Variants in AGAP1 observed in about 807,000 individuals in gnomAD.
AGAP1 encodes the protein arf-GAP with GTPase, ANK repeat and PH domain-containing protein 1.
In AGAP1, 29 loss-of-function variants were observed where a neutral mutation model predicts 105.3. That is an observed-to-expected ratio of 0.28 (90% confidence interval 0.21 to 0.38). The LOEUF is 0.38. Among genes scored for constraint, AGAP1 ranks in the 10% least tolerant of loss-of-function variants. AGAP1 has a pLI of 1.00. For synonymous variants in AGAP1, 509 were observed against 485.9 expected, an observed-to-expected ratio of 1.05 and a Z score of -0.63; for missense variants, 998 against 1,165.1, an observed-to-expected ratio of 0.86 and a Z score of 2.09.
In AGAP1 at chr2:235,732,156, A is replaced by C. The variant is rs1380153698; in HGVS notation, c.311-8807A>C. Among the ~76,000 whole-genome samples, 1 of 152,142 alleles carries C rather than the reference A, an allele frequency of 6.6e-6. No homozygotes were observed. The highest frequency in any genetic ancestry group is 1.5e-5 in the Non-Finnish European group (1 of 68,034). On this transcript the variant is annotated intron_variant, in intron 3 of 17. Coordinates refer to ENST00000304032, the MANE Select transcript of AGAP1 (RefSeq NM_001037131.3). The surrounding 1 kb of genome is among the most constrained non-coding windows in gnomAD (Gnocchi z 4.8). ...ACATTCCTTTGTCTTTTATCTTCGA[A>C]TAGTCTTTGAGTTCTTTTGTTGTGG...
chr2:236,064,992 T>C (rs1333765187), intron 16 of AGAP1, among the ~76,000 whole-genome samples: 1 of 152,158 alleles, frequency 6.6e-6, no homozygotes, highest in Non-Finnish European at 1.5e-5. Flanking sequence ...GTTAGGGTCA[T>C]GATATATGAC....
At chr2:236,048,419 T>C (rs2057789667) in intron 15 of AGAP1, among the ~76,000 whole-genome samples, 1 of 152,240 alleles carries the variant, frequency 6.6e-6, no homozygotes, top group Non-Finnish European at 1.5e-5. Context: ...TTGGTTGCGC[T>C]GCGTGATAAC....
At chr2:235,742,686 A>G (rs866195585) in intron 4 of AGAP1, among the ~76,000 whole-genome samples, 10 of 152,162 alleles carry the variant, frequency 6.6e-5, no homozygotes, top group African/African-American at 2.4e-4. Context: ...GAACTCTTGG[A>G]GGCAAGGTCC....
rs574566034 is a variant in AGAP1 at position 235,904,266 on chromosome 2, C to G, written c.1156-4472C>G. Reference sequence around the variant, plus strand: ...TGGCAAAGGTGCCGGAGCAGGGTTGCAGGGGGACAGCGAGGCACAGTTACC... The same window carrying G: ...TGGCAAAGGTGCCGGAGCAGGGTTGGAGGGGGACAGCGAGGCACAGTTACC... On this transcript the variant is annotated intron_variant, in intron 10 of 17. Coordinates refer to ENST00000304032, the MANE Select transcript of AGAP1 (RefSeq NM_001037131.3). This position sits in a 1 kb window ranked among gnomAD's most constrained non-coding sequence, Gnocchi z 4.2. 1.2e-4 allele frequency among the ~76,000 whole-genome samples: 18 copies of G among 152,176 alleles called. No individual in the cohort carries two copies. The highest frequency in any genetic ancestry group is 1.9e-4 in the Non-Finnish European group (13 of 68,034).
rs763339965 is a variant in AGAP1, at chr2:235,494,708, G to A, written c.22G>A (p.Ala8Thr). 6.5e-7 allele frequency: 1 copy of A among 1,546,074 alleles called. No homozygotes were observed. The highest frequency in any genetic ancestry group is 8.7e-7 in the Non-Finnish European group (1 of 1,145,130). ...CACCATGAACTACCAGCAGCAGCTGGCCAACTCGGCTGCCATCCGGGCCGA... is the reference window on the plus strand; with the variant it reads ...CACCATGAACTACCAGCAGCAGCTGACCAACTCGGCTGCCATCCGGGCCGA... MNYQQQL[A>T]NSAAIRAEIQ... The change falls in exon 1 of 18, where the codon GCC becomes ACC. Residue 8 changes from alanine (A) to threonine (T), a missense_variant. Transcript: ENST00000304032.
chr2:235,620,437 C>T lies in AGAP1; in HGVS notation c.164-88742C>T, dbSNP rs549450226. ...CGCCTTCTGCCACTCTCCCCTTGCTCATGGCTCTGCTGATCCTTCAACCAA... is the reference window on the plus strand; with the variant it reads ...CGCCTTCTGCCACTCTCCCCTTGCTTATGGCTCTGCTGATCCTTCAACCAA... On this transcript the variant is annotated intron_variant, in intron 1 of 17. Coordinates refer to ENST00000304032, the MANE Select transcript of AGAP1 (RefSeq NM_001037131.3). The surrounding 1 kb of genome is among the most constrained non-coding windows in gnomAD (Gnocchi z 4.5). Among the ~76,000 whole-genome samples the T allele has an allele frequency of 6.6e-6, 1 of 152,320 alleles. No individual in the cohort carries two copies. Among genetic ancestry groups the T allele is most frequent in the South Asian group, 2.1e-4 (1 of 4,828 alleles).
intron 1 of AGAP1, among the ~76,000 whole-genome samples, chr2:235,546,582 G>A (rs1270310485): frequency 1.3e-5 from 2 of 152,156 alleles, no homozygotes; most frequent in African/African-American, 4.8e-5. Flanking sequence ...CAGGGTTCAG[G>A]TTTCTTAGCA....
intron 1 of AGAP1, among the ~76,000 whole-genome samples, chr2:235,558,806 G>T (rs540907816): frequency 2.6e-5 from 4 of 152,342 alleles, no homozygotes; most frequent in African/African-American, 9.6e-5. Flanking sequence ...TTCTTGAGGA[G>T]CCCCAAGGTA....
Position 236,044,461 on chromosome 2 carries a change from C to T in AGAP1, c.1891+3620C>T, listed in dbSNP as rs1576156272. Among the ~76,000 whole-genome samples, 1 of 152,256 alleles carries T rather than the reference C, an allele frequency of 6.6e-6. No homozygotes were observed. Among genetic ancestry groups the T allele is most frequent in the East Asian group, 1.9e-4 (1 of 5,162 alleles). ...TGCCCATCCATGTCGCCCATGAAGC[C>T]CTGGTTGGAGCTGACCGTGCGCTGG... On this transcript the variant is annotated intron_variant, in intron 15 of 17. Transcript: ENST00000304032. This position sits in a 1 kb window ranked among gnomAD's most constrained non-coding sequence, Gnocchi z 5.7.
intron 1 of AGAP1, among the ~76,000 whole-genome samples, chr2:235,504,010 T>C (rs910627971): frequency 6.6e-6 from 1 of 152,092 alleles, no homozygotes; most frequent in South Asian, 2.1e-4. Context: ...GCCTCCCAAA[T>C]AGCTGGGACC....
In AGAP1 at chr2:235,757,329, C is replaced by T. The variant is rs549509918; in HGVS notation, c.673+6841C>T. On this transcript the variant is annotated intron_variant, in intron 6 of 17. Coordinates refer to ENST00000304032, the MANE Select transcript of AGAP1 (RefSeq NM_001037131.3). ...AAGCTGGGCAGTGGCACTGGAAGGG[C>T]GCTGTGTGCCAGGTGCTAGCGCTCC... is the stretch of plus-strand genomic sequence containing the variant. Among the ~76,000 whole-genome samples, 354 of 152,250 alleles carry T rather than the reference C, an allele frequency of 2.3e-3. 3 individuals carry two copies. Among genetic ancestry groups the T allele is most frequent in the African/African-American group, 8.0e-3 (331 of 41,542 alleles).
At chr2:235,924,432 T>C (rs548537364) in intron 11 of AGAP1, among the ~76,000 whole-genome samples, 1 of 152,288 alleles carries the variant, frequency 6.6e-6, no homozygotes, top group African/African-American at 2.4e-5. Context: ...CAGGGACTCC[T>C]TCCTTCATTG....
chr2:236,021,769 C>T (rs1010029129), intron 13 of AGAP1, among the ~76,000 whole-genome samples: 2 of 151,870 alleles, frequency 1.3e-5, no homozygotes, highest in African/African-American at 2.4e-5. Flanking sequence ...TAATTTAAGA[C>T]AGGCACGGGC....
Position 236,009,312 on chromosome 2 carries a change from C to G in AGAP1, c.1646-27249C>G, listed in dbSNP as rs1352142982. On this transcript the variant is annotated intron_variant, in intron 13 of 17. Transcript: ENST00000304032. The surrounding 1 kb of genome is among the most constrained non-coding windows in gnomAD (Gnocchi z 4.2). ...AATGAAATCGCCACGGACAAAAGAT[C>G]ACGGGATACCGGGAGCACTAAACTG... Among the ~76,000 whole-genome samples the G allele has an allele frequency of 6.6e-6, 1 of 152,140 alleles. No individual in the cohort carries two copies. Among genetic ancestry groups the G allele is most frequent in the Admixed American group, 6.5e-5 (1 of 15,270 alleles).
At chr2:235,914,302 T>C (rs1274191449) in intron 11 of AGAP1, among the ~76,000 whole-genome samples, 2 of 152,174 alleles carry the variant, frequency 1.3e-5, no homozygotes. Flanking sequence ...TTCGTCTCCA[T>C]TGTTACTGAG....
intron 13 of AGAP1, among the ~76,000 whole-genome samples, chr2:236,022,354 A>G (rs1383799392): frequency 6.6e-6 from 1 of 152,242 alleles, no homozygotes; most frequent in Non-Finnish European, 1.5e-5. Flanking sequence ...TTGGCTAGAC[A>G]AAGATGTTGA....
intron 3 of AGAP1, among the ~76,000 whole-genome samples, chr2:235,735,306 T>A (rs1256516973): frequency 1.3e-5 from 2 of 152,190 alleles, no homozygotes; most frequent in Admixed American, 6.5e-5. Context: ...GCCCTTTTTT[T>A]GGAATGGGAA....
chr2:235,670,246 G>T (rs1575079659), intron 1 of AGAP1: 2 of 557,290 alleles, frequency 3.6e-6, no homozygotes, highest in Non-Finnish European at 6.6e-6. Context: ...CCGGCGGCCC[G>T]GACCCACGCC....
rs1433372401 is a variant in AGAP1, at chr2:235,723,501, A to G, written c.310+5857A>G. On this transcript the variant is annotated intron_variant, in intron 3 of 17. Transcript: ENST00000304032. This position sits in a 1 kb window ranked among gnomAD's most constrained non-coding sequence, Gnocchi z 6.2. The stretch of plus-strand genomic sequence containing the variant: ...TGTGGCGTCCTCCTGAGATCTTTTC[A>G]GGTTGCAGAACTGAGTCATTGCTCT... Among the ~76,000 whole-genome samples the G allele has an allele frequency of 6.6e-6, 1 of 152,166 alleles. No individual in the cohort carries two copies. The highest frequency in any genetic ancestry group is 1.9e-4 in the East Asian group (1 of 5,164).
Sources: allele counts gnomAD v4.1 joint callset (sites outside exome capture counted in the v4.1 genomes callset), GRCh38; gene constraint gnomAD v4.1.1; non-coding constraint Gnocchi (gnomAD v3.1); transcripts MANE v1.5; gene names NCBI Gene and HGNC (gene_info 2026-07-23, HGNC 2026-07-21).